KCNIP4: variants seen among roughly 807,000 people sequenced by gnomAD.
KCNIP4 encodes Kv channel-interacting protein 4.
KCNIP4 carries 12 observed loss-of-function variants against 34.0 expected under a neutral mutation model. That is an observed-to-expected ratio of 0.35 (90% confidence interval 0.23 to 0.57). The LOEUF (loss-of-function observed/expected upper bound fraction) is 0.57. KCNIP4 is among the 20% of genes least tolerant of loss of function. The pLI is 0.83. For missense variants in KCNIP4, 238 were observed against 311.7 expected (o/e 0.76, Z 1.78); for synonymous variants, 124 against 102.2 (o/e 1.21, Z -1.29).
chr4:21,104,677 T>C (rs754657620), intron 1 of KCNIP4, among the ~76,000 whole-genome samples: 44 of 151,876 alleles, frequency 2.9e-4, no homozygotes, highest in Non-Finnish European at 5.3e-4. Context: ...CCCATGTGTA[T>C]GTCCTGAATA....
At chr4:21,837,749 A>G (rs946742041) in intron 1 of KCNIP4, among the ~76,000 whole-genome samples, 6 of 152,074 alleles carry the variant, frequency 3.9e-5, no homozygotes, top group African/African-American at 1.4e-4. Flanking sequence ...AAAATCATTT[A>G]ATTAAGATGG....
At chr4:20,735,901 T>G (rs1347421962) in intron 5 of KCNIP4, among the ~76,000 whole-genome samples, 1 of 152,218 alleles carries the variant, frequency 6.6e-6, no homozygotes, top group Non-Finnish European at 1.5e-5. Flanking sequence ...TATAATCCAC[T>G]TTTAGGTAGG....
chr4:21,788,581 T>C (rs1365134930), intron 1 of KCNIP4, among the ~76,000 whole-genome samples: 1 of 152,126 alleles, frequency 6.6e-6, no homozygotes, highest in African/African-American at 2.4e-5. Flanking sequence ...ATCCAAAGGG[T>C]AGCGGGCTAA....
rs1390836971 is a variant in KCNIP4 at position 20,982,259 on chromosome 4, C to A, written c.62-99550G>T. ...CTCTGAAACCAAGTCAGCTCCAGTA[C>A]AATGCACTGAAGTTGGGGGCTGTGG... On this transcript the variant is annotated intron_variant, in intron 1 of 8. Coordinates refer to ENST00000382152, the MANE Select transcript of KCNIP4 (RefSeq NM_025221.6). 2.6e-5 allele frequency among the ~76,000 whole-genome samples: 4 copies of A among 152,270 alleles called. No homozygotes were observed. In the East Asian group the frequency reaches 7.7e-4, roughly 29 times the overall value.
intron 3 of KCNIP4, among the ~76,000 whole-genome samples, chr4:20,843,295 T>G (rs1307186570): frequency 6.6e-6 from 1 of 152,114 alleles, no homozygotes; most frequent in African/African-American, 2.4e-5. Flanking sequence ...AATATACCTA[T>G]GAGAATAAAG....
rs116830462 is a variant in KCNIP4, at chr4:20,860,451, C to A, written c.164-9784G>T. Among the ~76,000 whole-genome samples the A allele has an allele frequency of 6.8e-3, 1,035 of 152,256 alleles. 11 individuals carry two copies. The highest frequency in any genetic ancestry group is 0.024 in the African/African-American group (989 of 41,562). ...CCGCACCCAGTCCCATTTCTAAATACAACATGACTCTTCTTTAAAAATAAA... is the reference window on the plus strand; with the variant it reads ...CCGCACCCAGTCCCATTTCTAAATAAAACATGACTCTTCTTTAAAAATAAA... On this transcript the variant is annotated intron_variant, in intron 2 of 8. Coordinates refer to ENST00000382152, the MANE Select transcript of KCNIP4 (RefSeq NM_025221.6).
intron 1 of KCNIP4, among the ~76,000 whole-genome samples, chr4:20,946,241 C>T (rs1046475180): frequency 6.6e-6 from 1 of 152,056 alleles, no homozygotes; most frequent in Non-Finnish European, 1.5e-5. Flanking sequence ...CAGGTTCTGC[C>T]TATGGTTGGA....
Position 21,771,649 on chromosome 4 carries a change from C to T in KCNIP4, c.61+176922G>A, listed in dbSNP as rs141286791. On this transcript the variant is annotated intron_variant, in intron 1 of 8. Coordinates refer to ENST00000382152, the MANE Select transcript of KCNIP4 (RefSeq NM_025221.6). ...AGTGATCTGTAGTTCTCACATCCCTCGTTAGCTGTACTCCTAGGTATTTTA... is the reference window on the plus strand; with the variant it reads ...AGTGATCTGTAGTTCTCACATCCCTTGTTAGCTGTACTCCTAGGTATTTTA... 8.8e-3 allele frequency among the ~76,000 whole-genome samples: 1,334 copies of T among 150,788 alleles called. 19 individuals are homozygous for T. Among genetic ancestry groups the T allele is most frequent in the South Asian group, 0.039 (185 of 4,796 alleles).
chr4:21,325,280 T>C (rs1714921471), intron 1 of KCNIP4, among the ~76,000 whole-genome samples: 1 of 151,840 alleles, frequency 6.6e-6, no homozygotes, highest in Non-Finnish European at 1.5e-5. Context: ...ATCTTGGTAC[T>C]TGTAATTGGC....
chr4:21,628,886 ATTATC>A (rs1275998768), intron 1 of KCNIP4, among the ~76,000 whole-genome samples: 1 of 152,218 alleles, frequency 6.6e-6, no homozygotes, highest in South Asian at 2.1e-4. Context: ...TTTCCCATAA[ATTATC>A]TTATTTAAAA....
intron 1 of KCNIP4, among the ~76,000 whole-genome samples, chr4:21,383,967 A>C (rs1454552918): frequency 2.0e-5 from 3 of 151,854 alleles, no homozygotes; most frequent in African/African-American, 7.3e-5. Context: ...CTTTAATTCT[A>C]CTCTCTGACC....
At chr4:20,959,089 C>T (rs139735830) in intron 1 of KCNIP4, among the ~76,000 whole-genome samples, 4 of 152,196 alleles carry the variant, frequency 2.6e-5, no homozygotes, top group African/African-American at 7.2e-5. Context: ...GAGGTTTAGT[C>T]GGTAACACTG....
At chr4:20,773,950 T>C (rs560368925) in intron 3 of KCNIP4, among the ~76,000 whole-genome samples, 2 of 152,276 alleles carry the variant, frequency 1.3e-5, no homozygotes, top group Non-Finnish European at 2.9e-5. Context: ...TTCCAAAGCT[T>C]GAGTCTGAAA....
intron 1 of KCNIP4, among the ~76,000 whole-genome samples, chr4:21,197,598 C>G (rs1435200310): frequency 1.3e-5 from 2 of 151,958 alleles, no homozygotes; most frequent in Non-Finnish European, 2.9e-5. Context: ...TCCATAAATA[C>G]AGCAAATCAG....
At chr4:20,833,098 T>C (rs902665) in intron 3 of KCNIP4, among the ~76,000 whole-genome samples, 85,604 of 151,996 alleles carry the variant, frequency 0.56, 24,343 homozygotes, top group Non-Finnish European at 0.59. Context: ...TGTTGTTTCC[T>C]CTTCCACAAA....
intron 1 of KCNIP4, among the ~76,000 whole-genome samples, chr4:21,594,439 C>A (rs531622487): frequency 6.6e-6 from 1 of 152,154 alleles, no homozygotes; most frequent in South Asian, 2.1e-4. Context: ...CACTTTTGAG[C>A]AATTCTTAAC....
intron 1 of KCNIP4, among the ~76,000 whole-genome samples, chr4:21,626,545 T>G (rs888165770): frequency 4.0e-5 from 6 of 151,664 alleles, no homozygotes; most frequent in Non-Finnish European, 8.8e-5. Flanking sequence ...AAAAATAAAT[T>G]TCTGTTGTTT....
At chr4:21,396,548 C>CAAA (rs1428768959) in intron 1 of KCNIP4, among the ~76,000 whole-genome samples, 1 of 7,232 alleles carries the variant, frequency 1.4e-4, no homozygotes, top group African/African-American at 2.2e-4. Flanking sequence ...GAGCAAGACT[C>CAAA]CAAAAAAAAA....
At chr4:21,345,813 G>A (rs1242886504) in intron 1 of KCNIP4, among the ~76,000 whole-genome samples, 1 of 151,902 alleles carries the variant, frequency 6.6e-6, no homozygotes, top group African/African-American at 2.4e-5. Context: ...CTCTGAGGGT[G>A]TTTAAATGAC....
Sources: gnomAD v4.1 joint callset for allele counts (sites outside exome capture counted in the v4.1 genomes callset) on GRCh38, gnomAD v4.1.1 for gene constraint, MANE v1.5 for transcripts, NCBI Gene and HGNC (gene_info 2026-07-23, HGNC 2026-07-21) for gene names.